The following TTC7B variants were observed in gnomAD, a reference collection of about 807,000 sequenced individuals.
TTC7B encodes the protein tetratricopeptide repeat domain 7B, also known as tetratricopeptide repeat protein 7B.
Under a neutral mutation model 106.8 loss-of-function variants are expected in TTC7B, and 28 were observed. The observed-to-expected ratio is 0.26, with a 90% confidence interval of 0.19 to 0.36. The LOEUF (loss-of-function observed/expected upper bound fraction) is 0.36. Ranked by LOEUF, TTC7B falls within the 10% of genes least tolerant of loss-of-function variation. The pLI, the probability that TTC7B is intolerant of heterozygous loss-of-function variation, is 1.00. For missense variants in TTC7B, 862 were observed against 1,076.4 expected, an observed-to-expected ratio of 0.80 and a Z score of 2.79; for synonymous variants, 405 against 430.6, an observed-to-expected ratio of 0.94 and a Z score of 0.74.
intron 5 of TTC7B, among the ~76,000 whole-genome samples, chr14:90,725,041 C>A (rs1377021535): frequency 6.6e-6 from 1 of 152,188 alleles, no homozygotes; most frequent in African/African-American, 2.4e-5. Context: ...ATCTCCGTAT[C>A]TCTTGAAGAG....
chr14:90,598,546 C>G (rs748629095), intron 17 of TTC7B, among the ~76,000 whole-genome samples: 1 of 152,106 alleles, frequency 6.6e-6, no homozygotes, highest in Non-Finnish European at 1.5e-5. Flanking sequence ...GACCAGGAAC[C>G]AAGAGGAACC....
rs769450370 is a variant in TTC7B, at chr14:90,578,332, A to G, written c.2108-24T>C. ...AGCTGTGAGGAGACAGCAACGGCAC[A>G]TGCTTTCCTGGTGCCCCTCTGAGGC... On this transcript the variant is annotated intron_variant, in intron 18 of 19. Transcript: ENST00000328459. The surrounding 1 kb of genome is among the most constrained non-coding windows in gnomAD (Gnocchi z 4.7). The G allele has an allele frequency of 1.8e-5, 29 of 1,607,608 alleles. No individual in the cohort carries two copies. The South Asian group carries it at 3.1e-4, about 17-fold the overall frequency.
intron 13 of TTC7B, among the ~76,000 whole-genome samples, chr14:90,652,268 G>A (rs1322661181): frequency 3.9e-5 from 6 of 152,056 alleles, no homozygotes. Flanking sequence ...ATTAAATAAG[G>A]GATGTGAAGG....
chr14:90,733,044 G>T (rs1889384633), intron 4 of TTC7B, among the ~76,000 whole-genome samples: 1 of 152,116 alleles, frequency 6.6e-6, no homozygotes, highest in Admixed American at 6.5e-5. Flanking sequence ...AAAGTCAGAG[G>T]CCACGCCTAT....
intron 5 of TTC7B, among the ~76,000 whole-genome samples, chr14:90,727,727 T>C (rs938616539): frequency 4.6e-5 from 7 of 152,220 alleles, no homozygotes; most frequent in African/African-American, 1.4e-4. Context: ...AAGAAAAACA[T>C]TGTGTTTCAT....
At chr14:90,774,624 T>C (rs1890967111) in intron 3 of TTC7B, among the ~76,000 whole-genome samples, 1 of 152,226 alleles carries the variant, frequency 6.6e-6, no homozygotes, top group South Asian at 2.1e-4. Flanking sequence ...AGGGATGATG[T>C]GGGTAGCTTC....
In TTC7B at chr14:90,680,496, C is replaced by T. The variant is rs1291010968; in HGVS notation, c.990G>A (p.Leu330=). 7.4e-6 allele frequency: 12 copies of T among 1,613,922 alleles called. No homozygotes were observed. Among genetic ancestry groups the T allele is most frequent in the Non-Finnish European group, 1.0e-5 (12 of 1,179,924 alleles). Residue 330 remains leucine (L), a synonymous_variant, in exon 8 of 20, where the codon TTG becomes TTA. Transcript: ENST00000328459. ...CPQENTEEAL[L]LLLISESMAN... Reference sequence around the variant, plus strand: ...CCATTGATTCACTAATCAGCAATAACAACAGGGCTTCTTCCGTATTTTCTT... The same window carrying T: ...CCATTGATTCACTAATCAGCAATAATAACAGGGCTTCTTCCGTATTTTCTT...
chr14:90,713,990 G>A (rs958197738), intron 5 of TTC7B, among the ~76,000 whole-genome samples: 2 of 152,196 alleles, frequency 1.3e-5, no homozygotes, highest in African/African-American at 4.8e-5. Flanking sequence ...CACTTTGGGA[G>A]GTGGAGGCAG....
At chr14:90,621,616 TG>T (rs1189438628) in intron 15 of TTC7B, among the ~76,000 whole-genome samples, 1 of 152,068 alleles carries the variant, frequency 6.6e-6, no homozygotes, top group African/African-American at 2.4e-5. Context: ...CAGGTTCAGC[TG>T]GGACAATGGG....
intron 3 of TTC7B, among the ~76,000 whole-genome samples, chr14:90,780,388 A>T (rs1891169880): frequency 6.6e-6 from 1 of 150,718 alleles, no homozygotes. Context: ...TCTCAAAAAA[A>T]AAGAAAGAGA....
At position 90,652,840 on chromosome 14, in the gene TTC7B, C is replaced by T; in HGVS notation, c.1517+1G>A. 1 of 1,614,220 alleles carries T rather than the reference C, an allele frequency of 6.2e-7. No individual in the cohort carries two copies. The highest frequency in any genetic ancestry group is 8.5e-7 in the Non-Finnish European group (1 of 1,180,030). Reference sequence around the variant, plus strand: ...GAGTGAAAAGATGAACTCCCACTCACCTCTGAAATGCAAGAAGCGCCTTTC... The same window carrying T: ...GAGTGAAAAGATGAACTCCCACTCATCTCTGAAATGCAAGAAGCGCCTTTC... On this transcript the variant is annotated splice_donor_variant, in intron 13 of 19. Coordinates refer to ENST00000328459, the MANE Select transcript of TTC7B (RefSeq NM_001010854.2). LOFTEE classifies it high-confidence loss of function.
chr14:90,800,078 C>T (rs898722740), intron 1 of TTC7B, among the ~76,000 whole-genome samples: 5 of 152,128 alleles, frequency 3.3e-5, no homozygotes, highest in Non-Finnish European at 7.4e-5. Context: ...GTGATCCACC[C>T]GCCTTGTCCT....
intron 4 of TTC7B, among the ~76,000 whole-genome samples, chr14:90,734,185 G>C (rs1889430004): frequency 6.6e-6 from 1 of 152,152 alleles, no homozygotes; most frequent in African/African-American, 2.4e-5. Context: ...ATGGGAGGCT[G>C]AGGTGGGTGG....
At chr14:90,644,716 G>C (rs1328284015) in intron 14 of TTC7B, 1 of 152,468 alleles carries the variant, frequency 6.6e-6, no homozygotes, top group Non-Finnish European at 1.5e-5. Context: ...AGCTTTCCGA[G>C]TGATCAGAGG....
rs185513641 is a variant in TTC7B, at chr14:90,706,647, T to C, written c.699-11069A>G. On this transcript the variant is annotated intron_variant, in intron 5 of 19. Coordinates refer to ENST00000328459, the MANE Select transcript of TTC7B (RefSeq NM_001010854.2). ...TTTACCCTTCTTGAAATTCAAACTA[T>C]CCTATATTTGACCCGAGTCCTTTTA... Among the ~76,000 whole-genome samples, 29 of 152,350 alleles carry C rather than the reference T, an allele frequency of 1.9e-4. No homozygotes were observed. In the South Asian group the frequency reaches 4.1e-3, roughly 22 times the overall value.
intron 17 of TTC7B, among the ~76,000 whole-genome samples, chr14:90,596,009 A>G (rs1797805581): frequency 6.6e-6 from 1 of 152,152 alleles, no homozygotes; most frequent in South Asian, 2.1e-4. Context: ...GGGTTCTTAG[A>G]CTTTTTGGTC....
At chr14:90,611,216 T>C (rs903587867) in intron 16 of TTC7B, among the ~76,000 whole-genome samples, 23 of 152,166 alleles carry the variant, frequency 1.5e-4, no homozygotes, top group Non-Finnish European at 3.2e-4. Context: ...GAACACGCCA[T>C]CCATGAAGAG....
At chr14:90,694,173 G>C (rs1887582088) in intron 6 of TTC7B, among the ~76,000 whole-genome samples, 1 of 152,186 alleles carries the variant, frequency 6.6e-6, no homozygotes, top group Non-Finnish European at 1.5e-5. Flanking sequence ...GGCTGGGGCA[G>C]GAGGCAATGA....
chr14:90,606,481 C>T (rs1892644433), intron 17 of TTC7B, among the ~76,000 whole-genome samples: 1 of 152,150 alleles, frequency 6.6e-6, no homozygotes, highest in Admixed American at 6.5e-5. Flanking sequence ...AGATAAATCC[C>T]CTTACCCCAC....
Sources: allele counts gnomAD v4.1 joint callset (sites outside exome capture counted in the v4.1 genomes callset), GRCh38; gene constraint gnomAD v4.1.1; non-coding constraint Gnocchi (gnomAD v3.1); transcripts MANE v1.5; gene names NCBI Gene and HGNC (gene_info 2026-07-23, HGNC 2026-07-21).